The following SRPK2 variants were observed in gnomAD, a reference collection of about 807,000 sequenced individuals.
SRPK2 encodes the protein SFRS protein kinase 2.
SRPK2 carries 21 observed loss-of-function variants against 90.8 expected under a neutral mutation model. The ratio of observed to expected loss-of-function variants is 0.23; its 90% CI spans 0.16 to 0.33. The LOEUF (loss-of-function observed/expected upper bound fraction) is 0.33, where lower values mean the gene tolerates loss of function less well. SRPK2 is among the 10% of genes least tolerant of loss of function. The pLI, the probability that SRPK2 is intolerant of heterozygous loss-of-function variation, is 1.00. For missense variants in SRPK2, 620 were observed against 869.0 expected, an observed-to-expected ratio of 0.71 and a Z score of 3.60; for synonymous variants, 288 against 311.1, an observed-to-expected ratio of 0.93 and a Z score of 0.78.
At chr7:105,199,458 T>C (rs1307832310) in intron 3 of SRPK2, among the ~76,000 whole-genome samples, 1 of 152,108 alleles carries the variant, frequency 6.6e-6, no homozygotes, top group Non-Finnish European at 1.5e-5. Context: ...GAAAGCTCTC[T>C]CCCCTTCCCA....
At position 105,142,297 on chromosome 7, in the gene SRPK2, GTCT is replaced by G. The variant is rs1562977622; in HGVS notation, c.1251_1253del (p.Glu417del). The G allele has an allele frequency of 5.0e-6, 8 of 1,614,170 alleles. No individual in the cohort carries two copies. The highest frequency in any genetic ancestry group is 1.3e-5 in the African/African-American group (1 of 75,022). On this transcript the variant is annotated inframe_deletion, in exon 11 of 16. Transcript: ENST00000393651. The stretch of plus-strand genomic sequence containing the variant: ...GATTATATTCCTCAGGATTTGGGCA[GTCT>G]TCTTCATCATCATCTTCATCGTCCA...
intron 1 of SRPK2, among the ~76,000 whole-genome samples, chr7:105,394,683 A>G (rs1822274950): frequency 6.6e-6 from 1 of 152,226 alleles, no homozygotes; most frequent in Non-Finnish European, 1.5e-5. Context: ...TCAATTTTCA[A>G]CAAATACTTA....
chr7:105,362,966 T>C (rs1818603928), intron 2 of SRPK2, among the ~76,000 whole-genome samples: 1 of 151,982 alleles, frequency 6.6e-6, no homozygotes, highest in African/African-American at 2.4e-5. Context: ...CTGCATGTTC[T>C]CACTCATAGG....
rs1554509977 is a variant in SRPK2 at position 105,324,010 on chromosome 7, T to TGGGTGG, written c.71+64637_71+64638insCCACCC. ...GTGTGTGTGTGTGTGTGTGTGTGTG[T>TGGGTGG]GTGTGTGGTGGAGTCTCACATTGTC... is the stretch of plus-strand genomic sequence containing the variant. On this transcript the variant is annotated intron_variant, in intron 2 of 15. Coordinates refer to ENST00000393651, the MANE Select transcript of SRPK2 (RefSeq NM_182692.3). 2.0e-5 allele frequency among the ~76,000 whole-genome samples: 3 copies of TGGGTGG among 148,860 alleles called. No homozygotes were observed. The East Asian group carries it at 5.9e-4, about 30-fold the overall frequency.
rs780443601 is a variant in SRPK2, at chr7:105,169,279, A to G, written c.230-14T>C. The G allele has an allele frequency of 3.2e-6, 5 of 1,583,724 alleles. No homozygotes were observed. In the African/African-American group the frequency reaches 6.7e-5, roughly 21 times the overall value. ...GATGATATCCACCTTAAAAAACAAG[A>G]AAGAAAGAAAAAAATTCAAAATATT... is the stretch of plus-strand genomic sequence containing the variant. On this transcript the variant is annotated splice_polypyrimidine_tract_variant and intron_variant, in intron 3 of 15. Transcript: ENST00000393651.
intron 5 of SRPK2, 83 bp from the exon 6 acceptor site, chr7:105,167,547 TA>T: frequency 1.4e-6 from 1 of 703,824 alleles, no homozygotes. Flanking sequence ...ACTGTTTAAA[TA>T]AAAGTATATT....
At chr7:105,268,535 C>A (rs1805400590) in intron 2 of SRPK2, among the ~76,000 whole-genome samples, 1 of 152,106 alleles carries the variant, frequency 6.6e-6, no homozygotes, top group Non-Finnish European at 1.5e-5. Flanking sequence ...ATTTTTAAAG[C>A]CTTCAACAGC....
intron 2 of SRPK2, among the ~76,000 whole-genome samples, chr7:105,353,644 A>ACTGCCTTCAAGCAAATTCATCAGGCCCC (rs1211628719): frequency 3.0e-4 from 46 of 152,004 alleles, no homozygotes; most frequent in Non-Finnish European, 2.9e-4. Context: ...GGGATTACAG[A>ACTGCCTTCAAGCAAATTCATCAGGCCCC]CTGCCTTCAA....
chr7:105,226,416 G>A (rs1037589960), intron 2 of SRPK2, among the ~76,000 whole-genome samples: 20 of 151,910 alleles, frequency 1.3e-4, no homozygotes, highest in Non-Finnish European at 2.9e-5. Context: ...TCAGCCTCTC[G>A]AGTAGCTGGG....
intron 3 of SRPK2, among the ~76,000 whole-genome samples, chr7:105,201,685 A>G (rs1368457753): frequency 6.6e-6 from 1 of 151,840 alleles, no homozygotes; most frequent in African/African-American, 2.4e-5. Flanking sequence ...ACATGCCTGC[A>G]GTTCCAACTG....
chr7:105,142,537 A>G (rs1270216938), intron 10 of SRPK2, 47 bp from the exon 11 acceptor site: 3 of 1,545,746 alleles, frequency 1.9e-6, no homozygotes, highest in Non-Finnish European at 2.6e-6. Flanking sequence ...ACTCTCCTTA[A>G]TACAGCCTCA....
intron 2 of SRPK2, among the ~76,000 whole-genome samples, chr7:105,269,466 A>C (rs1033979873): frequency 6.6e-6 from 1 of 152,184 alleles, no homozygotes; most frequent in Non-Finnish European, 1.5e-5. Flanking sequence ...CTCCTCTAGA[A>C]AGAGACTTCT....
chr7:105,187,810 C>A (rs952292824), intron 3 of SRPK2, among the ~76,000 whole-genome samples: 4 of 152,006 alleles, frequency 2.6e-5, no homozygotes, highest in African/African-American at 9.7e-5. Context: ...CAGGATCAAT[C>A]AAAGGTTTTT....
chr7:105,357,013 C>T (rs1268644080), intron 2 of SRPK2, among the ~76,000 whole-genome samples: 1 of 152,014 alleles, frequency 6.6e-6, no homozygotes, highest in African/African-American at 2.4e-5. Flanking sequence ...TAAACCATCA[C>T]TTGATTTTTT....
At chr7:105,308,612 T>C (rs1811383680) in intron 2 of SRPK2, among the ~76,000 whole-genome samples, 2 of 152,200 alleles carry the variant, frequency 1.3e-5, no homozygotes, top group Non-Finnish European at 2.9e-5. Flanking sequence ...AGACCACTTC[T>C]GCAGTTCCTA....
intron 3 of SRPK2, among the ~76,000 whole-genome samples, chr7:105,203,424 C>A (rs773962006): frequency 1.3e-5 from 2 of 152,120 alleles, no homozygotes; most frequent in Non-Finnish European, 2.9e-5. Context: ...TCTTACAATT[C>A]TCTCTCATAT....
chr7:105,391,852 A>G (rs928547342), upstream of SRPK2, among the ~76,000 whole-genome samples: 5 of 152,174 alleles, frequency 3.3e-5, no homozygotes, highest in Admixed American at 6.6e-5. Flanking sequence ...TTCCACTCCT[A>G]GGTATATATG....
At chr7:105,213,606 G>A (rs1187035191) in intron 2 of SRPK2, among the ~76,000 whole-genome samples, 1 of 152,052 alleles carries the variant, frequency 6.6e-6, no homozygotes, top group African/African-American at 2.4e-5. Flanking sequence ...AGATTTTAGA[G>A]CACATACATA....
intron 2 of SRPK2, among the ~76,000 whole-genome samples, chr7:105,372,354 A>G (rs1041120898): frequency 3.3e-5 from 5 of 152,198 alleles, no homozygotes; most frequent in African/African-American, 1.2e-4. Flanking sequence ...ATTAAATATC[A>G]TAAGTAGACA....
Sources: allele counts gnomAD v4.1 joint callset (sites outside exome capture counted in the v4.1 genomes callset), GRCh38; gene constraint gnomAD v4.1.1; transcripts MANE v1.5; gene names NCBI Gene and HGNC (gene_info 2026-07-23, HGNC 2026-07-21).